INPP4B: variants seen among roughly 807,000 people sequenced by gnomAD.
INPP4B encodes inositol polyphosphate 4-phosphatase type II.
INPP4B carries 55 observed loss-of-function variants against 122.5 expected under a neutral mutation model. The ratio of observed to expected loss-of-function variants is 0.45; its 90% confidence interval spans 0.36 to 0.56. INPP4B has a LOEUF of 0.56. Among genes scored for constraint, INPP4B ranks in the 20% least tolerant of loss-of-function variants. The pLI is 0.00. For synonymous variants in INPP4B, 403 were observed against 388.7 expected, an observed-to-expected ratio of 1.04 and a Z score of -0.43; for missense variants, 1,000 against 1,097.7, an observed-to-expected ratio of 0.91 and a Z score of 1.26.
At chr4:142,657,272 G>T (rs1227621687) in intron 2 of INPP4B, among the ~76,000 whole-genome samples, 1 of 152,162 alleles carries the variant, frequency 6.6e-6, no homozygotes, top group African/African-American at 2.4e-5. Flanking sequence ...AATATAAACA[G>T]CCCTAAAGAC....
intron 1 of INPP4B, among the ~76,000 whole-genome samples, chr4:142,751,641 A>G (rs1769734751): frequency 6.6e-6 from 1 of 152,064 alleles, no homozygotes. Flanking sequence ...TCTATTCAAT[A>G]AGGCTGTCTT....
chr4:142,221,651 T>C (rs1343421728), intron 12 of INPP4B, among the ~76,000 whole-genome samples: 2 of 151,968 alleles, frequency 1.3e-5, no homozygotes, highest in Non-Finnish European at 2.9e-5. Flanking sequence ...AAATTACAGA[T>C]GCTGCAGCTA....
intron 1 of INPP4B, among the ~76,000 whole-genome samples, chr4:142,740,338 T>C (rs1279707769): frequency 6.6e-6 from 1 of 152,068 alleles, no homozygotes; most frequent in African/African-American, 2.4e-5. Flanking sequence ...TTGTGCTCAA[T>C]AAGTAGATTT....
intron 23 of INPP4B, among the ~76,000 whole-genome samples, chr4:142,087,310 A>C (rs1256868475): frequency 6.6e-6 from 1 of 152,254 alleles, no homozygotes; most frequent in African/African-American, 2.4e-5. Flanking sequence ...ATAATTGGGT[A>C]GAAAGCAGGA....
chr4:142,631,936 C>T (rs1748054716), intron 2 of INPP4B, among the ~76,000 whole-genome samples: 1 of 151,936 alleles, frequency 6.6e-6, no homozygotes, highest in Admixed American at 6.6e-5. Context: ...TGAAAGGCAG[C>T]AAGACAGACA....
intron 1 of INPP4B, among the ~76,000 whole-genome samples, chr4:142,824,560 C>A (rs1025198721): frequency 1.3e-5 from 2 of 152,210 alleles, no homozygotes; most frequent in Admixed American, 6.5e-5. Flanking sequence ...AGAGCTATGG[C>A]TTTTCTGGTA....
intron 2 of INPP4B, among the ~76,000 whole-genome samples, chr4:142,635,082 T>A (rs1384619571): frequency 6.6e-6 from 1 of 151,990 alleles, no homozygotes; most frequent in Non-Finnish European, 1.5e-5. Flanking sequence ...AAGACATACA[T>A]GTGGCCAACA....
intron 2 of INPP4B, among the ~76,000 whole-genome samples, chr4:142,725,201 C>T (rs542697325): frequency 3.9e-5 from 6 of 152,128 alleles, no homozygotes; most frequent in African/African-American, 1.4e-4. Context: ...TTTTCATATT[C>T]TTAGAACAAC....
chr4:142,522,359 T>C (rs1356208071), intron 2 of INPP4B, among the ~76,000 whole-genome samples: 1 of 112,286 alleles, frequency 8.9e-6, no homozygotes, highest in African/African-American at 3.4e-5. Flanking sequence ...CCCCGAGACA[T>C]GAGATTTCCC....
At chr4:142,149,279 G>A (rs1273934196) in intron 17 of INPP4B, among the ~76,000 whole-genome samples, 1 of 152,176 alleles carries the variant, frequency 6.6e-6, no homozygotes, top group South Asian at 2.1e-4. Flanking sequence ...AGAAGGAGGT[G>A]ACTCCAGAGA....
Position 142,534,097 on chromosome 4 carries a change from T to C in INPP4B, c.-190-71371A>G, listed in dbSNP as rs554365753. On this transcript the variant is annotated intron_variant, in intron 2 of 25. Coordinates refer to ENST00000262992, the MANE Select transcript of INPP4B (RefSeq NM_001101669.3). ...ATGGATCAGAGCCCCAGCCAACCCA[T>C]TGTGGATATGTATCTTGATTGACAA... Among the ~76,000 whole-genome samples, 8 of 152,276 alleles carry C rather than the reference T, an allele frequency of 5.3e-5. No homozygotes were observed. The South Asian group carries it at 6.2e-4, about 12-fold the overall frequency.
At chr4:142,122,392 A>T (rs1008332532) in intron 20 of INPP4B, 147 bp from the exon 21 acceptor site, 1 of 645,284 alleles carries the variant, frequency 1.5e-6, no homozygotes, top group Non-Finnish European at 2.7e-6. Flanking sequence ...TTTTCCTCAG[A>T]GGCTGAAGGT....
At chr4:142,492,702 A>G (rs1822035214) in intron 2 of INPP4B, among the ~76,000 whole-genome samples, 1 of 152,190 alleles carries the variant, frequency 6.6e-6, no homozygotes, top group Non-Finnish European at 1.5e-5. Flanking sequence ...AGAAATTTCT[A>G]AGAGGCAAAG....
chr4:142,624,163 G>T (rs1459114746), intron 2 of INPP4B, among the ~76,000 whole-genome samples: 2 of 151,750 alleles, frequency 1.3e-5, no homozygotes, highest in East Asian at 3.9e-4. Context: ...CACAATGGTT[G>T]AACTAGTTTA....
intron 2 of INPP4B, among the ~76,000 whole-genome samples, chr4:142,580,619 G>T (rs576311408): frequency 3.0e-4 from 46 of 152,024 alleles, no homozygotes; most frequent in African/African-American, 1.1e-3. Flanking sequence ...GTCCATTTTT[G>T]GTGTTCAAAT....
intron 2 of INPP4B, among the ~76,000 whole-genome samples, chr4:142,552,475 G>A (rs1331704326): frequency 6.6e-6 from 1 of 151,702 alleles, no homozygotes. Flanking sequence ...CTGGGACCCT[G>A]CACTGCCTAT....
chr4:142,673,302 T>C (rs573908947), intron 2 of INPP4B, among the ~76,000 whole-genome samples: 16 of 152,132 alleles, frequency 1.1e-4, no homozygotes, highest in Non-Finnish European at 1.8e-4. Context: ...GAATCTATTT[T>C]CATTTTTAAA....
Position 142,068,871 on chromosome 4 carries a change from A to G in INPP4B, c.2642+13160T>C, listed in dbSNP as rs184712887. ...AATACAAAGAGACTTAGACTCTCAC[A>G]CAATAATAATGGGAGACTTTAACAC... On this transcript the variant is annotated intron_variant, in intron 25 of 25. Coordinates refer to ENST00000262992, the MANE Select transcript of INPP4B (RefSeq NM_001101669.3). Among the ~76,000 whole-genome samples, 548 of 152,312 alleles carry G rather than the reference A, an allele frequency of 3.6e-3. 3 individuals carry two copies. The highest frequency in any genetic ancestry group is 0.012 in the African/African-American group (516 of 41,568).
At chr4:142,316,595 T>G (rs1465180477) in intron 7 of INPP4B, among the ~76,000 whole-genome samples, 3 of 152,142 alleles carry the variant, frequency 2.0e-5, no homozygotes, top group Non-Finnish European at 4.4e-5. Context: ...CATTAATTTT[T>G]TAAAAAATTG....
Sources: allele counts gnomAD v4.1 joint callset (sites outside exome capture counted in the v4.1 genomes callset), GRCh38; gene constraint gnomAD v4.1.1; transcripts MANE v1.5; gene names NCBI Gene and HGNC (gene_info 2026-07-23, HGNC 2026-07-21).